Variants in SGO1 observed in about 807,000 individuals in gnomAD.
SGO1 encodes shugoshin 1.
SGO1 carries 39 observed loss-of-function variants against 50.5 expected under a neutral mutation model. That is an observed-to-expected ratio of 0.77 (90% CI 0.60 to 1.01). The LOEUF is 1.01. Among genes scored for constraint, SGO1 ranks in the 50% least tolerant of loss-of-function variants. The probability of loss-of-function intolerance (pLI) is 0.00; values close to 1 mark genes in which losing one functional copy is unlikely to be tolerated. For missense variants in SGO1, 638 were observed against 606.0 expected (o/e 1.05, Z -0.55); for synonymous variants, 191 against 205.1 (o/e 0.93, Z 0.59).
chr3:20,161,149 C>G (rs915257568), exon 9 of SGO1: 28 of 1,613,668 alleles, frequency 1.7e-5, no homozygotes, highest in Non-Finnish European at 2.4e-5. Context: ...TTCCTACAGT[C>G]TGGGAATCTC....
chr3:20,170,437 G>C lies in SGO1; in HGVS notation c.*267C>G. ...AGATATATTTCGACTAAAATTAAGA[G>C]GTTTAGGCAGCATAAGAAATCGATA... On this transcript the variant is annotated 3_prime_UTR_variant, in exon 8 of 8. Transcript: ENST00000412997. The C allele has an allele frequency of 9.7e-7, 1 of 1,030,332 alleles. No homozygotes were observed. Among genetic ancestry groups the C allele is most frequent in the African/African-American group, 1.7e-5 (1 of 59,310 alleles). The allele number at this position is 1,030,332 out of a possible 1,614,324, so 63.8% of individuals were successfully genotyped here. A position where few individuals can be genotyped will look rare whatever the true frequency, so the allele number is the denominator to read the frequency against.
chr3:20,168,304 A>G (rs1408870720), downstream of SGO1, among the ~76,000 whole-genome samples: 2 of 152,226 alleles, frequency 1.3e-5, no homozygotes, highest in African/African-American at 4.8e-5. Context: ...CTTTTTTGGT[A>G]AAGACCAGAA....
chr3:20,185,412 T>C (rs1161129842), intron 1 of SGO1, among the ~76,000 whole-genome samples: 1 of 152,214 alleles, frequency 6.6e-6, no homozygotes, highest in African/African-American at 2.4e-5. Flanking sequence ...CGATGGTTAT[T>C]AGCAGGGGGT....
intron 3 of SGO1, among the ~76,000 whole-genome samples, chr3:20,182,987 T>C (rs977586047): frequency 1.2e-4 from 18 of 151,848 alleles, no homozygotes; most frequent in African/African-American, 1.2e-4. Context: ...CACTGCACTC[T>C]AGCCTGGGCG....
At position 20,183,968 on chromosome 3, in the gene SGO1, C is replaced by T. The variant is rs568028484; in HGVS notation, c.60G>A (p.Lys20=). 3.3e-5 allele frequency: 53 copies of T among 1,612,650 alleles called. No individual in the cohort carries two copies. The South Asian group carries it at 5.3e-4, about 16-fold the overall frequency. ...TTTTATTCCTTTTCTCTTTCATTCG[C>T]TTCTTTATGTCTTCAAGACTATCTT... is the stretch of plus-strand genomic sequence containing the variant. ...SFQDSLEDIK[K]RMKEKRNKNL... The change falls in exon 2 of 8, where the codon AAG becomes AAA. Residue 20 remains lysine (K), a synonymous_variant. Transcript: ENST00000412997.
chr3:20,164,815 A>T (rs1446756079), downstream of SGO1, among the ~76,000 whole-genome samples: 1 of 151,580 alleles, frequency 6.6e-6, no homozygotes, highest in African/African-American at 2.4e-5. Context: ...ATAAGTCAAG[A>T]ATATGAAATG....
At chr3:20,178,180 G>A in intron 4 of SGO1, 91 bp downstream of exon 4, 1 of 896,328 alleles carries the variant, frequency 1.1e-6, no homozygotes, top group Non-Finnish European at 1.8e-6. Context: ...AAATATAAGA[G>A]TTGACATGAT....
intron 6 of SGO1, among the ~76,000 whole-genome samples, chr3:20,173,226 G>T (rs1700973634): frequency 6.6e-6 from 1 of 151,830 alleles, no homozygotes; most frequent in Non-Finnish European, 1.5e-5. Flanking sequence ...CTGTTTCCTG[G>T]GTACAAGCAA....
chr3:20,174,471 T>C lies in SGO1; in HGVS notation c.1060A>G (p.Asn354Asp). 6.2e-7 allele frequency: 1 copy of C among 1,614,198 alleles called. No homozygotes were observed. Among genetic ancestry groups the C allele is most frequent in the Non-Finnish European group, 8.5e-7 (1 of 1,180,020 alleles). Residue 354 changes from asparagine (N) to aspartate (D), a missense_variant, in exon 6 of 8, where the codon AAT becomes GAT. By Grantham distance (23) the Asn-to-Asp change is conservative (BLOSUM62 1). Transcript: ENST00000412997. Reference sequence around the variant, plus strand: ...TTGTTTTCTTCTCTATTAGAGTCATTGCTCACTTTTTGTCGGAAAGGAGTA... The same window carrying C: ...TTGTTTTCTTCTCTATTAGAGTCATCGCTCACTTTTTGTCGGAAAGGAGTA... Reference protein sequence around the residue: ...HLTPFRQKVSNDSNREENNES... With the variant: ...HLTPFRQKVSDDSNREENNES...
chr3:20,183,800 G>C lies in SGO1; in HGVS notation c.147C>G (p.Asn49Lys). Reference sequence around the variant, plus strand: ...GGTAATTTTTCAGCAGTGTAGAAGTGTTGGCTAAAAGAGGATAAAAAAATT... The same window carrying C: ...GGTAATTTTTCAGCAGTGTAGAAGTCTTGGCTAAAAGAGGATAAAAAAATT... ...FIAAPCQIITNTSTLLKNYQD... is the reference protein window; with the variant it reads ...FIAAPCQIITKTSTLLKNYQD... Residue 49 changes from asparagine to lysine, a missense_variant, in exon 3 of 8, where the codon AAC becomes AAG. Transcript: ENST00000412997. 6.2e-7 allele frequency: 1 copy of C among 1,605,962 alleles called. No homozygotes were observed. The highest frequency in any genetic ancestry group is 1.1e-5 in the South Asian group (1 of 88,822).
intron 3 of SGO1, 116 bp from the exon 4 acceptor site, chr3:20,178,463 AG>A (rs1701644051): frequency 1.4e-6 from 1 of 737,952 alleles, no homozygotes. Flanking sequence ...CCATGGTTCT[AG>A]GAACTGAGAC....
downstream of SGO1, among the ~76,000 whole-genome samples, chr3:20,164,829 A>C (rs1345217315): frequency 1.3e-5 from 2 of 152,220 alleles, no homozygotes; most frequent in Admixed American, 6.5e-5. Flanking sequence ...TGAAATGCTA[A>C]GGGACAAACT....
At chr3:20,182,759 C>G (rs1219428081) in intron 3 of SGO1, among the ~76,000 whole-genome samples, 1 of 152,170 alleles carries the variant, frequency 6.6e-6, no homozygotes, top group Non-Finnish European at 1.5e-5. Flanking sequence ...TGGCTCACAC[C>G]TGTAATCCCA....
downstream of SGO1, chr3:20,169,267 T>G: frequency 1.0e-6 from 1 of 985,128 alleles, no homozygotes; most frequent in Non-Finnish European, 1.2e-6. Flanking sequence ...AGAGATAAGT[T>G]GGGAGAGAGA....
intron 5 of SGO1, among the ~76,000 whole-genome samples, chr3:20,175,781 CAGAGCAAGA>C (rs1701318302): frequency 6.9e-6 from 1 of 144,846 alleles, no homozygotes; most frequent in African/African-American, 2.6e-5. Context: ...GCCTGGGCGA[CAGAGCAAGA>C]CTGTCAAAAA....
chr3:20,175,634 A>AAC (rs1483928941), intron 5 of SGO1, among the ~76,000 whole-genome samples: 8 of 150,952 alleles, frequency 5.3e-5, no homozygotes, highest in Non-Finnish European at 1.2e-4. Flanking sequence ...GTCTCTACTA[A>AAC]AAAAAATACA....
chr3:20,168,357 A>G (rs1181153299), downstream of SGO1, among the ~76,000 whole-genome samples: 2 of 152,166 alleles, frequency 1.3e-5, no homozygotes, highest in African/African-American at 2.4e-5. Context: ...AAACTCAAGA[A>G]TATAATGTAG....
At chr3:20,169,159 A>G (rs1469783746), downstream of SGO1, 21 of 985,284 alleles carry the variant, frequency 2.1e-5, no homozygotes, top group South Asian at 7.5e-4. Flanking sequence ...GAATACAGAA[A>G]GATAGGGAGA....
intron 3 of SGO1, among the ~76,000 whole-genome samples, chr3:20,182,120 G>A (rs1702084609): frequency 6.6e-6 from 1 of 151,778 alleles, no homozygotes; most frequent in African/African-American, 2.4e-5. Context: ...AAGTTCCCGT[G>A]AAGAAAACAT....
Sources: gnomAD v4.1 joint callset for allele counts (sites outside exome capture counted in the v4.1 genomes callset) on GRCh38, gnomAD v4.1.1 for gene constraint, MANE v1.5 for transcripts, NCBI Gene and HGNC (gene_info 2026-07-23, HGNC 2026-07-21) for gene names.